The following SMIM41 variants were observed in gnomAD, a reference collection of about 807,000 sequenced individuals.
SMIM41 encodes small integral membrane protein 41.
intron 2 of SMIM41, among the ~76,000 whole-genome samples, chr12:52,087,842 T>C (rs1023302019): frequency 8.5e-5 from 13 of 152,324 alleles, no homozygotes; most frequent in African/African-American, 2.6e-4. Flanking sequence ...AGGCCTGCCC[T>C]TGGGGCATCT....
intron 2 of SMIM41, among the ~76,000 whole-genome samples, chr12:52,102,015 T>G (rs1293835699): frequency 6.6e-6 from 1 of 152,114 alleles, no homozygotes; most frequent in Non-Finnish European, 1.5e-5. Flanking sequence ...GCTCGGCCCA[T>G]GCTGTATCTT....
At chr12:52,092,579 C>A (rs1333149170) in intron 2 of SMIM41, 2 of 152,222 alleles carry the variant, frequency 1.3e-5, no homozygotes, top group Non-Finnish European at 2.9e-5. Flanking sequence ...GATTTCAAAG[C>A]AGATTTGGCC....
intron 2 of SMIM41, chr12:52,094,533 G>C (rs1417696894): frequency 6.6e-6 from 1 of 152,198 alleles, no homozygotes; most frequent in Non-Finnish European, 1.5e-5. Flanking sequence ...TTGGATTAAG[G>C]CTCACTCAAA....
At chr12:52,089,677 G>T (rs1361715869) in intron 2 of SMIM41, among the ~76,000 whole-genome samples, 1 of 152,124 alleles carries the variant, frequency 6.6e-6, no homozygotes, top group African/African-American at 2.4e-5. Context: ...CTCGCTTCCG[G>T]TGGTGACCGG....
At chr12:52,083,683 G>A (rs1179318458) in intron 1 of SMIM41, among the ~76,000 whole-genome samples, 4 of 152,248 alleles carry the variant, frequency 2.6e-5, no homozygotes, top group Non-Finnish European at 5.9e-5. Context: ...CCTCGGCTTT[G>A]AGATGGGAGT....
Position 52,107,466 on chromosome 12 carries a change from C to T in SMIM41, c.*283C>T, listed in dbSNP as rs1940364227. ...TCATGGTGCTGGGGAACCTGCTCAT[C>T]ATCCGGCCATGAGCCCTGACTCCCA... is the stretch of plus-strand genomic sequence containing the variant. On this transcript the variant is annotated 3_prime_UTR_variant, in exon 3 of 3. Coordinates refer to ENST00000546390, the MANE Select transcript of SMIM41 (RefSeq NM_001369216.1). 1 of 626,704 alleles carries T rather than the reference C, an allele frequency of 1.6e-6. No individual in the cohort carries two copies. The highest frequency in any genetic ancestry group is 3.1e-6 in the Non-Finnish European group (1 of 325,818). The allele number at this position is 626,704 out of a possible 1,614,324, so 38.8% of individuals were successfully genotyped here.
chr12:52,095,157 A>G (rs1940068540), intron 2 of SMIM41, among the ~76,000 whole-genome samples: 3 of 151,930 alleles, frequency 2.0e-5, no homozygotes, highest in Non-Finnish European at 2.9e-5. Flanking sequence ...TATGTTGCCC[A>G]GGCTGTTCTT....
chr12:52,106,852 A>G (rs2120738291), intron 2 of SMIM41, among the ~76,000 whole-genome samples: 1 of 152,380 alleles, frequency 6.6e-6, no homozygotes, highest in Non-Finnish European at 1.5e-5. Flanking sequence ...TCATTTCCAG[A>G]TGGCATGGTC....
chr12:52,086,059 G>A (rs1369822397), intron 2 of SMIM41, among the ~76,000 whole-genome samples: 1 of 152,208 alleles, frequency 6.6e-6, no homozygotes, highest in Non-Finnish European at 1.5e-5. Flanking sequence ...AGAAGGCAGG[G>A]GATGCAGGAC....
At chr12:52,093,615 TTGGCCGAGAGAC>T (rs1052841832) in intron 2 of SMIM41, 4 of 152,232 alleles carry the variant, frequency 2.6e-5, no homozygotes, top group African/African-American at 9.6e-5. Context: ...GTTGGCTGTA[TTGGCCGAGAGAC>T]TGGTAATGTT....
rs1939789680 is a variant in SMIM41, at chr12:52,079,722, A to C, written c.-58A>C. The C allele has an allele frequency of 5.1e-6, 2 of 390,700 alleles. No individual in the cohort carries two copies. Among genetic ancestry groups the C allele is most frequent in the African/African-American group, 4.1e-5 (2 of 48,322 alleles). The allele number at this position is 390,700 out of a possible 1,614,324, so 24.2% of individuals were successfully genotyped here. On this transcript the variant is annotated 5_prime_UTR_variant, in exon 1 of 3. Coordinates refer to ENST00000546390, the MANE Select transcript of SMIM41 (RefSeq NM_001369216.1). ...CGACGCAGCCGCCGGCCCGCCCGCC[A>C]GTCTGGGCTCCTGCACATCTGGCGA...
intron 1 of SMIM41, among the ~76,000 whole-genome samples, chr12:52,083,166 G>A (rs1939841884): frequency 6.6e-6 from 1 of 152,180 alleles, no homozygotes; most frequent in Non-Finnish European, 1.5e-5. Context: ...AGCAGGTGCT[G>A]GCTGTGCCCC....
intron 2 of SMIM41, among the ~76,000 whole-genome samples, chr12:52,098,747 G>A (rs1385118081): frequency 7.4e-6 from 1 of 135,082 alleles, no homozygotes; most frequent in African/African-American, 2.7e-5. Context: ...GGGGGGGGGT[G>A]TACTGCCTCT....
At position 52,081,626 on chromosome 12, in the gene SMIM41, A is replaced by G. The variant is rs1416308330; in HGVS notation, c.*120+1445A>G. Among the ~76,000 whole-genome samples, 1 of 151,976 alleles carries G rather than the reference A, an allele frequency of 6.6e-6. No individual in the cohort carries two copies. Among genetic ancestry groups the G allele is most frequent in the African/African-American group, 2.4e-5 (1 of 41,358 alleles). ...AGGCAGGGGGCTGGGCCCAGGGGAC[A>G]TTCCCCCCTCCCTTTGCTGGGGGAG... On this transcript the variant is annotated intron_variant, in intron 1 of 2. Coordinates refer to ENST00000546390, the MANE Select transcript of SMIM41 (RefSeq NM_001369216.1). This position sits in a 1 kb window ranked among gnomAD's most constrained non-coding sequence, Gnocchi z 4.1.
chr12:52,080,148 C>T lies in SMIM41; in HGVS notation c.*87C>T, dbSNP rs1236442942. ...GCATGCCCGACGGCTGCTGCGGTCC[C>T]GACCCCTTACCCGAAGCGGCGCGCC... is the stretch of plus-strand genomic sequence containing the variant. On this transcript the variant is annotated 3_prime_UTR_variant, in exon 1 of 3. Transcript: ENST00000546390. 7 of 340,426 alleles carry T rather than the reference C, an allele frequency of 2.1e-5. No individual in the cohort carries two copies. The highest frequency in any genetic ancestry group is 1.5e-4 in the South Asian group (1 of 6,596). The allele number at this position is 340,426 out of a possible 1,614,324, so 21.1% of individuals were successfully genotyped here.
At chr12:52,098,605 G>C (rs1244637591) in intron 2 of SMIM41, among the ~76,000 whole-genome samples, 1 of 151,404 alleles carries the variant, frequency 6.6e-6, no homozygotes, top group Non-Finnish European at 1.5e-5. Context: ...TACAGACCCT[G>C]TGACATTTGC....
intron 2 of SMIM41, 45 bp from the exon 3 acceptor site, chr12:52,107,334 C>T: frequency 2.1e-6 from 1 of 483,086 alleles, no homozygotes; most frequent in Non-Finnish European, 4.1e-6. Context: ...CCAAACTATA[C>T]AGACCCACAG....
chr12:52,101,350 G>A (rs1370148467), intron 2 of SMIM41, among the ~76,000 whole-genome samples: 6 of 152,310 alleles, frequency 3.9e-5, no homozygotes, highest in Admixed American at 3.3e-4. Flanking sequence ...ACTTGAACTC[G>A]GGAGGCGGAG....
At chr12:52,083,342 A>T (rs964907259) in intron 1 of SMIM41, among the ~76,000 whole-genome samples, 3 of 152,252 alleles carry the variant, frequency 2.0e-5, no homozygotes, top group African/African-American at 4.8e-5. Flanking sequence ...GTGGCCTGTT[A>T]TTAAATATGC....
Sources: allele counts gnomAD v4.1 joint callset (sites outside exome capture counted in the v4.1 genomes callset), GRCh38; gene constraint gnomAD v4.1.1; non-coding constraint Gnocchi (gnomAD v3.1); transcripts MANE v1.5; gene names NCBI Gene and HGNC (gene_info 2026-07-23, HGNC 2026-07-21).